Variants in STAB2 observed in about 807,000 individuals in gnomAD.
STAB2 encodes stabilin 2.
A neutral mutation model predicts 338.1 loss-of-function variants in STAB2; 288 were observed. That is an observed-to-expected ratio of 0.85 (90% CI 0.77 to 0.94). The LOEUF is 0.94. Ranked by LOEUF, STAB2 falls within the 40% of genes least tolerant of loss-of-function variation. The pLI is 0.00. For missense variants in STAB2, 3,141 were observed against 3,210.1 expected (o/e 0.98, Z 0.52); for synonymous variants, 1,202 against 1,193.3 (o/e 1.01, Z -0.15).
intron 24 of STAB2, 62 bp from the exon 25 acceptor site, chr12:103,677,391 T>G: frequency 6.5e-7 from 1 of 1,530,312 alleles, no homozygotes; most frequent in Non-Finnish European, 8.8e-7. Flanking sequence ...TCTCTCTTAT[T>G]TTTGGAATCA....
chr12:103,591,425 C>T (rs374938644), intron 2 of STAB2, among the ~76,000 whole-genome samples: 12 of 152,146 alleles, frequency 7.9e-5, no homozygotes, highest in African/African-American at 2.9e-4. Context: ...GAGGAAGTTG[C>T]AGTGAGCCGA....
At chr12:103,608,328 G>T (rs1406767557) in intron 3 of STAB2, among the ~76,000 whole-genome samples, 3 of 152,064 alleles carry the variant, frequency 2.0e-5, no homozygotes, top group Non-Finnish European at 4.4e-5. Context: ...ATTTTGAGTG[G>T]AGACAGGGTT....
At chr12:103,690,627 C>T in intron 30 of STAB2, 89 bp downstream of exon 30, 1 of 1,072,936 alleles carries the variant, frequency 9.3e-7, no homozygotes, top group Non-Finnish European at 1.4e-6. Context: ...TGGGAACTTC[C>T]AAACATGCGC....
At position 103,590,793 on chromosome 12, in the gene STAB2, T is replaced by C. The variant is rs776249172; in HGVS notation, c.82-104T>C. On this transcript the variant is annotated intron_variant, in intron 1 of 68. Coordinates refer to ENST00000388887, the MANE Select transcript of STAB2 (RefSeq NM_017564.10). ...CCTTATCACCATCCCTGACGTTCCA[T>C]TGAGATGATTGGAGACATTCCAGTG... 7 of 1,372,026 alleles carry C rather than the reference T, an allele frequency of 5.1e-6. 1 individual carries two copies. The East Asian group carries it at 6.9e-5, about 14-fold the overall frequency. The allele number at this position is 1,372,026 out of a possible 1,614,324, so 85.0% of individuals were successfully genotyped here.
At chr12:103,704,417 G>A (rs1236924726) in intron 35 of STAB2, 141 bp from the exon 36 acceptor site, 2 of 691,022 alleles carry the variant, frequency 2.9e-6, no homozygotes, top group Non-Finnish European at 4.8e-6. Flanking sequence ...GAGTTGAAGT[G>A]TTTGTCTCAG....
Position 103,737,746 on chromosome 12 carries a change from G to A in STAB2, c.5663G>A (p.Gly1888Asp), listed in dbSNP as rs1228968155. Residue 1888 changes from glycine (G) to aspartate (D), a missense_variant, in exon 53 of 69, where the codon GGC becomes GAC. Coordinates refer to ENST00000388887, the MANE Select transcript of STAB2 (RefSeq NM_017564.10). The stretch of plus-strand genomic sequence containing the variant: ...CTGCTGATTGATCCCACCCTGGGGG[G>A]CCGCTGTGACACCTTTACTACTTTC... Reference protein sequence around the residue: ...DCLLIDPTLGGRCDTFTTFDA... With the variant: ...DCLLIDPTLGDRCDTFTTFDA... The A allele has an allele frequency of 3.7e-6, 6 of 1,613,868 alleles. No individual in the cohort carries two copies. In the East Asian group the frequency reaches 8.9e-5, roughly 24 times the overall value.
chr12:103,622,755 C>T (rs1393597203), intron 5 of STAB2, among the ~76,000 whole-genome samples: 2 of 152,214 alleles, frequency 1.3e-5, no homozygotes, highest in Non-Finnish European at 1.5e-5. Context: ...AGCTACTCCC[C>T]GGAAATGCTT....
intron 5 of STAB2, 54 bp from the exon 6 acceptor site, chr12:103,631,544 T>G (rs150163968): frequency 6.5e-6 from 10 of 1,534,686 alleles, no homozygotes; most frequent in Non-Finnish European, 9.0e-6. Flanking sequence ...CTTTCCAGAA[T>G]GTTTAGCAAC....
rs1434613566 is a variant in STAB2, at chr12:103,594,503, C to T, written c.324C>T (p.Asp108=). Residue 108 remains aspartate, a synonymous_variant, in exon 3 of 69, where the codon GAC becomes GAT. Coordinates refer to ENST00000388887, the MANE Select transcript of STAB2 (RefSeq NM_017564.10). ...PRCCPGRWGP[D]CIECPGGAGS... Reference sequence around the variant, plus strand: ...GTTGTCCTGGCCGCTGGGGCCCAGACTGTATAGGTAAGTGGCACAATGCTT... The same window carrying T: ...GTTGTCCTGGCCGCTGGGGCCCAGATTGTATAGGTAAGTGGCACAATGCTT... The T allele has an allele frequency of 1.4e-5, 22 of 1,613,096 alleles. No individual in the cohort carries two copies. The South Asian group carries it at 2.4e-4, about 18-fold the overall frequency.
intron 68 of STAB2, among the ~76,000 whole-genome samples, chr12:103,764,309 G>A (rs1057280770): frequency 2.0e-5 from 3 of 152,318 alleles, no homozygotes; most frequent in African/African-American, 7.2e-5. Flanking sequence ...TTTACTGCTT[G>A]TTGTCAGAGC....
intron 68 of STAB2, 175 bp from the exon 69 acceptor site, chr12:103,766,111 C>G (rs934168842): frequency 1.3e-5 from 11 of 836,998 alleles, no homozygotes; most frequent in Non-Finnish European, 2.0e-5. Context: ...GGTGGCCCTA[C>G]CCCCAGCCCA....
At chr12:103,601,148 A>C (rs964137132) in intron 3 of STAB2, among the ~76,000 whole-genome samples, 2 of 152,216 alleles carry the variant, frequency 1.3e-5, no homozygotes, top group Non-Finnish European at 2.9e-5. Flanking sequence ...CTTAGATAAC[A>C]ACTTCATAAG....
At chr12:103,640,373 C>G in intron 9 of STAB2, 117 bp downstream of exon 9, 2 of 1,314,768 alleles carry the variant, frequency 1.5e-6, no homozygotes, top group Middle Eastern at 1.9e-4. Context: ...CATCCACCCC[C>G]ACCCCACATA....
chr12:103,623,013 T>C (rs1957326188), intron 5 of STAB2, among the ~76,000 whole-genome samples: 1 of 152,236 alleles, frequency 6.6e-6, no homozygotes, highest in African/African-American at 2.4e-5. Flanking sequence ...GACTGGCTTG[T>C]TCACTCTCTT....
At position 103,675,958 on chromosome 12, in the gene STAB2, T is replaced by A. The variant is rs1206227366; in HGVS notation, c.2583T>A (p.Asp861Glu). Residue 861 changes from aspartate to glutamate, a missense_variant, in exon 24 of 69, where the codon GAT becomes GAA. Asp to Glu is a conservative substitution (Grantham distance 45). Transcript: ENST00000388887. ...SCICKAGYEG[D>E]GTLCSEMDPC... ...TTTGCAAAGCAGGATATGAAGGAGA[T>A]GGAACTCTGTGTTCTGAGATGGACC... is the stretch of plus-strand genomic sequence containing the variant. 1 of 1,613,644 alleles carries A rather than the reference T, an allele frequency of 6.2e-7. No homozygotes were observed. Among genetic ancestry groups the A allele is most frequent in the Admixed American group, 1.7e-5 (1 of 59,920 alleles).
chr12:103,635,260 G>T (rs1957526171), intron 6 of STAB2, among the ~76,000 whole-genome samples: 2 of 152,256 alleles, frequency 1.3e-5, no homozygotes, highest in South Asian at 4.1e-4. Flanking sequence ...CACCCTTTTT[G>T]CCTGCTCGTG....
At chr12:103,699,469 A>T (rs10778278) in intron 34 of STAB2, among the ~76,000 whole-genome samples, 1 of 152,108 alleles carries the variant, frequency 6.6e-6, no homozygotes, top group African/African-American at 2.4e-5. Context: ...CACGTCTTTC[A>T]TGGATGGCAG....
intron 9 of STAB2, among the ~76,000 whole-genome samples, chr12:103,646,586 A>G (rs1294526562): frequency 6.6e-6 from 1 of 152,236 alleles, no homozygotes; most frequent in Non-Finnish European, 1.5e-5. Flanking sequence ...AAGTGGCCTT[A>G]CCATGTTGCT....
At chr12:103,702,846 T>G (rs1879022464) in intron 34 of STAB2, among the ~76,000 whole-genome samples, 1 of 152,208 alleles carries the variant, frequency 6.6e-6, no homozygotes, top group African/African-American at 2.4e-5. Context: ...AGCCAATTAA[T>G]TTGCTTCATG....
Sources: allele counts gnomAD v4.1 joint callset (sites outside exome capture counted in the v4.1 genomes callset), GRCh38; gene constraint gnomAD v4.1.1; transcripts MANE v1.5; gene names NCBI Gene and HGNC (gene_info 2026-07-23, HGNC 2026-07-21).